FAM219A: variants seen among roughly 807,000 people sequenced by gnomAD.
The protein encoded by FAM219A is protein FAM219A.
In FAM219A, 7 loss-of-function variants were observed where a neutral mutation model predicts 23.4. The observed-to-expected ratio is 0.30, with a 90% CI of 0.17 to 0.56. The LOEUF (loss-of-function observed/expected upper bound fraction) is 0.56. Ranked by LOEUF, FAM219A falls within the 20% of genes least tolerant of loss-of-function variation. The pLI, the probability that FAM219A is intolerant of heterozygous loss-of-function variation, is 0.92. For missense variants in FAM219A, 166 were observed against 246.9 expected (o/e 0.67, Z 2.20); for synonymous variants, 93 against 99.0 (o/e 0.94, Z 0.36).
rs1823819676 is a variant in FAM219A, at chr9:34,458,056, A to G, written c.60+148T>C. ...TCTCCCACGGTTTTCTTGTCCTGCA[A>G]GTCCCCGTCCCCCGGCAATACGTTT... On this transcript the variant is annotated intron_variant, in intron 1 of 5. Coordinates refer to ENST00000651358, the MANE Select transcript of FAM219A (RefSeq NM_001184940.2). The surrounding 1 kb of genome is among the most constrained non-coding windows in gnomAD (Gnocchi z 6.6). 2.7e-6 allele frequency: 2 copies of G among 734,866 alleles called. No individual in the cohort carries two copies. The highest frequency in any genetic ancestry group is 3.5e-5 in the Admixed American group (1 of 28,834). 45.5% of individuals were successfully genotyped at this position (734,866 alleles called of 1,614,324 possible).
At chr9:34,418,052 G>A (rs528140579) in intron 1 of FAM219A, among the ~76,000 whole-genome samples, 1 of 152,324 alleles carries the variant, frequency 6.6e-6, no homozygotes, top group East Asian at 1.9e-4. Flanking sequence ...TAGATGTGGG[G>A]TGGGAGAATT....
Position 34,440,869 on chromosome 9 carries a change from T to A in FAM219A, c.60+17335A>T, listed in dbSNP as rs1021256732. Among the ~76,000 whole-genome samples the A allele has an allele frequency of 2.7e-3, 408 of 149,372 alleles. 3 individuals are homozygous for A. The highest frequency in any genetic ancestry group is 8.3e-3 in the African/African-American group (339 of 40,688). On this transcript the variant is annotated intron_variant, in intron 1 of 5. Coordinates refer to ENST00000651358, the MANE Select transcript of FAM219A (RefSeq NM_001184940.2). ...CGGTCTCAAAAAAAAAAAAAAAAAA[T>A]TTTTAAAGAAATGTTATCTTACTAT...
rs1292497671 is a variant in FAM219A, at chr9:34,417,194, GC to G, written c.61-11231del. 6.6e-6 allele frequency among the ~76,000 whole-genome samples: 1 copy of G among 151,956 alleles called. No homozygotes were observed. Among genetic ancestry groups the G allele is most frequent in the Non-Finnish European group, 1.5e-5 (1 of 68,004 alleles). On this transcript the variant is annotated intron_variant, in intron 1 of 5. Transcript: ENST00000651358. The surrounding 1 kb of genome is among the most constrained non-coding windows in gnomAD (Gnocchi z 4.1). ...CCTGAGTACCTGGGATTACAGGCAT[GC>G]ACAACCATATCTGGCTAATTTTTGT...
chr9:34,431,653 T>C (rs934280860), intron 1 of FAM219A, among the ~76,000 whole-genome samples: 7 of 152,164 alleles, frequency 4.6e-5, no homozygotes, highest in African/African-American at 7.2e-5. Flanking sequence ...AGTGGGAGGA[T>C]TGCTTGAGTC....
Position 34,398,516 on chromosome 9 carries a change from C to A in FAM219A, c.*2448G>T. The A allele has an allele frequency of 1.3e-6, 1 of 752,552 alleles. No homozygotes were observed. The highest frequency in any genetic ancestry group is 2.7e-5 in the East Asian group (1 of 37,072). 46.6% of individuals were successfully genotyped at this position (752,552 alleles called of 1,614,324 possible). A position where few individuals can be genotyped will look rare whatever the true frequency, so the allele number is the denominator to read the frequency against. ...AGAAGCTGCCACTGCCAGCTTCCTG[C>A]CTCTCTCTGCCACACATGCACTGCC... On this transcript the variant is annotated 3_prime_UTR_variant, in exon 6 of 6. Coordinates refer to ENST00000651358, the MANE Select transcript of FAM219A (RefSeq NM_001184940.2).
intron 1 of FAM219A, among the ~76,000 whole-genome samples, chr9:34,440,535 G>C (rs1280354656): frequency 2.6e-5 from 4 of 151,480 alleles, no homozygotes; most frequent in East Asian, 1.9e-4. Context: ...AGCCCTCACA[G>C]GTTTTTTTTT....
At chr9:34,421,007 T>TGAGAGAGAGAGAGAGA (rs761212084) in intron 1 of FAM219A, among the ~76,000 whole-genome samples, 3,330 of 75,618 alleles carry the variant, frequency 0.044, 103 homozygotes, top group Non-Finnish European at 0.059. Flanking sequence ...TGTGTGTGTG[T>TGAGAGAGAGAGAGAGA]GTGAGAGAGA....
chr9:34,416,210 AG>A (rs1822001531), intron 1 of FAM219A, among the ~76,000 whole-genome samples: 1 of 124,216 alleles, frequency 8.1e-6, no homozygotes, highest in Non-Finnish European at 1.7e-5. Context: ...AAAGAAAGAA[AG>A]AAAGAAAGAA....
intron 1 of FAM219A, among the ~76,000 whole-genome samples, chr9:34,430,385 A>G (rs1039911765): frequency 4.6e-5 from 7 of 151,930 alleles, no homozygotes; most frequent in African/African-American, 1.5e-4. Flanking sequence ...CAAAAAAAGA[A>G]AACACATGCT....
intron 1 of FAM219A, among the ~76,000 whole-genome samples, chr9:34,437,681 C>A (rs1822972038): frequency 6.6e-6 from 1 of 152,236 alleles, no homozygotes; most frequent in Non-Finnish European, 1.5e-5. Flanking sequence ...ACCTTCTTTG[C>A]AGAGTTGAGA....
intron 1 of FAM219A, among the ~76,000 whole-genome samples, chr9:34,438,873 A>T (rs140398741): frequency 0.013 from 2,009 of 152,336 alleles, 31 homozygotes; most frequent in Non-Finnish European, 0.021. Flanking sequence ...CCCCATCCAC[A>T]CTGTGGAAGC....
At chr9:34,418,765 A>G (rs542460074) in intron 1 of FAM219A, among the ~76,000 whole-genome samples, 2 of 152,306 alleles carry the variant, frequency 1.3e-5, no homozygotes, top group African/African-American at 4.8e-5. Flanking sequence ...TTCTTTAAAA[A>G]TAGATCTACA....
intron 1 of FAM219A, among the ~76,000 whole-genome samples, chr9:34,419,168 A>T (rs567458072): frequency 1.8e-4 from 27 of 152,132 alleles, no homozygotes; most frequent in South Asian, 8.3e-4. Context: ...TTTTTTTTTA[A>T]AAAAATTGAG....
chr9:34,449,106 G>A (rs1169054570), intron 1 of FAM219A, among the ~76,000 whole-genome samples: 1 of 152,088 alleles, frequency 6.6e-6, no homozygotes, highest in Non-Finnish European at 1.5e-5. Context: ...GGACATGGCA[G>A]GTGGATCTCT....
At chr9:34,409,936 CA>C (rs1340702802) in intron 1 of FAM219A, among the ~76,000 whole-genome samples, 12 of 152,114 alleles carry the variant, frequency 7.9e-5, no homozygotes, top group Non-Finnish European at 1.3e-4. Context: ...GAAATTATAA[CA>C]AGTAGAGAAA....
At chr9:34,447,771 C>T (rs1221756861) in intron 1 of FAM219A, among the ~76,000 whole-genome samples, 2 of 152,042 alleles carry the variant, frequency 1.3e-5, no homozygotes, top group African/African-American at 4.8e-5. Context: ...CCAGGTTACT[C>T]CCTCTCACCT....
intron 1 of FAM219A, among the ~76,000 whole-genome samples, chr9:34,434,596 G>A (rs1003624074): frequency 8.5e-5 from 13 of 152,164 alleles, no homozygotes; most frequent in Admixed American, 4.6e-4. Context: ...TACAGAAAAC[G>A]ATAACACAAC....
intron 1 of FAM219A, among the ~76,000 whole-genome samples, chr9:34,411,110 T>A (rs530574752): frequency 6.6e-6 from 1 of 152,260 alleles, no homozygotes; most frequent in South Asian, 2.1e-4. Flanking sequence ...CTGGCTTATA[T>A]ATGAAGGTAT....
chr9:34,404,485 A>G (rs984306333), intron 2 of FAM219A, among the ~76,000 whole-genome samples: 16 of 152,206 alleles, frequency 1.1e-4, no homozygotes, highest in African/African-American at 3.1e-4. Flanking sequence ...AGGTGGGCGG[A>G]TCACTTGAGA....
Sources: gnomAD v4.1 joint callset for allele counts (sites outside exome capture counted in the v4.1 genomes callset) on GRCh38, gnomAD v4.1.1 for gene constraint, Gnocchi (gnomAD v3.1) non-coding constraint, MANE v1.5 for transcripts, NCBI Gene and HGNC (gene_info 2026-07-23, HGNC 2026-07-21) for gene names.